The following DOCK4 variants were observed in gnomAD, a reference collection of about 807,000 sequenced individuals.
The protein encoded by DOCK4 is dedicator of cytokinesis 4, also known as dedicator of cytokinesis protein 4.
In DOCK4, 97 loss-of-function variants were observed where a neutral mutation model predicts 268.1. The ratio of observed to expected loss-of-function variants is 0.36; its 90% CI spans 0.31 to 0.43. DOCK4 has a LOEUF of 0.43. Among genes scored for constraint, DOCK4 ranks in the 20% least tolerant of loss-of-function variants. The probability of loss-of-function intolerance (pLI) is 1.00; values close to 1 mark genes in which losing one functional copy is unlikely to be tolerated. For missense variants in DOCK4, 2,145 were observed against 2,455.7 expected (o/e 0.87, Z 2.67); for synonymous variants, 954 against 887.2 (o/e 1.08, Z -1.34).
chr7:112,142,718 T>C (rs1343366235), intron 1 of DOCK4, among the ~76,000 whole-genome samples: 1 of 152,142 alleles, frequency 6.6e-6, no homozygotes, highest in Admixed American at 6.6e-5. Flanking sequence ...TCCTGAATTT[T>C]GTGTATATCA....
chr7:112,165,565 T>TGCGC (rs1563149245), intron 1 of DOCK4, among the ~76,000 whole-genome samples: 6 of 140,144 alleles, frequency 4.3e-5, no homozygotes, highest in South Asian at 2.4e-4. Flanking sequence ...TGTGTGCGTG[T>TGCGC]GTGTGTGTAT....
At chr7:111,852,357 C>T (rs555218538) in intron 23 of DOCK4, among the ~76,000 whole-genome samples, 1 of 152,278 alleles carries the variant, frequency 6.6e-6, no homozygotes, top group South Asian at 2.1e-4. Context: ...ACATAAGGCA[C>T]AGGCATTCTA....
chr7:111,795,548 C>T (rs1181929602), intron 30 of DOCK4, among the ~76,000 whole-genome samples: 4 of 152,264 alleles, frequency 2.6e-5, no homozygotes, highest in East Asian at 3.9e-4. Context: ...AGCCCTGATG[C>T]GTGTCCTCTT....
At chr7:111,762,725 G>A (rs1016961819) in intron 39 of DOCK4, among the ~76,000 whole-genome samples, 2 of 125,702 alleles carry the variant, frequency 1.6e-5, no homozygotes, top group East Asian at 2.2e-4. Flanking sequence ...GAACTTCTGC[G>A]TTAATATTCT....
intron 1 of DOCK4, among the ~76,000 whole-genome samples, chr7:112,162,537 C>CT (rs1420329899): frequency 1.3e-5 from 2 of 150,882 alleles, no homozygotes; most frequent in African/African-American, 2.5e-5. Flanking sequence ...CTCTCTCTCT[C>CT]CCCCCTCTCC....
At chr7:112,082,933 C>A (rs1216601080) in intron 1 of DOCK4, among the ~76,000 whole-genome samples, 3 of 151,930 alleles carry the variant, frequency 2.0e-5, no homozygotes, top group Non-Finnish European at 2.9e-5. Flanking sequence ...TAAATAAAAA[C>A]CACTTTATTA....
chr7:111,942,748 A>C (rs560607575), intron 10 of DOCK4, among the ~76,000 whole-genome samples: 1 of 152,130 alleles, frequency 6.6e-6, no homozygotes, highest in Admixed American at 6.5e-5. Flanking sequence ...AACATAGTCA[A>C]TCAGAATTAG....
At chr7:112,172,908 T>TG (rs1186550933) in intron 1 of DOCK4, among the ~76,000 whole-genome samples, 5 of 152,214 alleles carry the variant, frequency 3.3e-5, no homozygotes, top group Non-Finnish European at 5.9e-5. Context: ...TAGGTAAAAA[T>TG]GACAGCCTCA....
intron 3 of DOCK4, 126 bp downstream of exon 3, chr7:112,000,368 A>AGGG: frequency 1.7e-6 from 1 of 587,078 alleles, no homozygotes; most frequent in East Asian, 2.9e-5. Context: ...AAATTATAAA[A>AGGG]ATTTGCAATA....
At chr7:111,768,227 C>T (rs1797886138) in intron 37 of DOCK4, among the ~76,000 whole-genome samples, 1 of 152,106 alleles carries the variant, frequency 6.6e-6, no homozygotes, top group African/African-American at 2.4e-5. Flanking sequence ...AGTTTGCAAC[C>T]CCTGATCTAG....
At position 111,847,022 on chromosome 7, in the gene DOCK4, A is replaced by C. The variant is rs1804161353; in HGVS notation, c.2578T>G (p.Cys860Gly). 2.5e-6 allele frequency: 4 copies of C among 1,613,644 alleles called. No homozygotes were observed. The highest frequency in any genetic ancestry group is 3.4e-6 in the Non-Finnish European group (4 of 1,179,728). Residue 860 changes from cysteine to glycine, a missense_variant, in exon 24 of 53, where the codon TGT (cysteine) becomes GGT (glycine). By Grantham distance (159) the Cys-to-Gly change is radical (BLOSUM62 -3). This residue lies in a region of DOCK4 where 1,598 missense variants were observed against 1,986.7 expected (regional missense o/e 0.80). Transcript: ENST00000428084. ...MCARILSNVF[C>G]LIKKNSSEKS... Reference sequence around the variant, plus strand: ...ACTGAGCTATTTTTCTTGATAAGACAAAATACGTTGCTAAGGATACGTGCA... The same window carrying C: ...ACTGAGCTATTTTTCTTGATAAGACCAAATACGTTGCTAAGGATACGTGCA...
intron 30 of DOCK4, among the ~76,000 whole-genome samples, chr7:111,795,091 T>C (rs1799799376): frequency 6.6e-6 from 1 of 152,090 alleles, no homozygotes; most frequent in Non-Finnish European, 1.5e-5. Context: ...TAATCCATCA[T>C]TCCATGTGGT....
intron 1 of DOCK4, among the ~76,000 whole-genome samples, chr7:112,086,034 T>TA (rs1461365816): frequency 6.6e-6 from 1 of 152,072 alleles, no homozygotes; most frequent in Non-Finnish European, 1.5e-5. Flanking sequence ...ACAATTTGGT[T>TA]AAAAAAATCC....
intron 25 of DOCK4, among the ~76,000 whole-genome samples, chr7:111,836,211 T>G (rs936822935): frequency 1.3e-5 from 2 of 152,008 alleles, no homozygotes; most frequent in African/African-American, 2.4e-5. Context: ...CCTTTTTTTT[T>G]TTTTAATACC....
At chr7:112,196,649 G>A (rs919148973) in intron 1 of DOCK4, among the ~76,000 whole-genome samples, 2 of 152,154 alleles carry the variant, frequency 1.3e-5, no homozygotes, top group Non-Finnish European at 2.9e-5. Flanking sequence ...GACAGAGAGT[G>A]GGGAAGGGGC....
chr7:111,984,476 G>A, intron 6 of DOCK4, 86 bp from the exon 7 acceptor site: 1 of 1,135,934 alleles, frequency 8.8e-7, no homozygotes, highest in Non-Finnish European at 1.3e-6. Context: ...ATATCACTTG[G>A]AAATTAGGTA....
At chr7:111,764,490 G>C (rs926240894) in intron 39 of DOCK4, among the ~76,000 whole-genome samples, 1 of 152,162 alleles carries the variant, frequency 6.6e-6, no homozygotes, top group Non-Finnish European at 1.5e-5. Flanking sequence ...CAAGGAAGGT[G>C]TATATACTGA....
chr7:111,734,708 TG>T (rs1352338169), intron 51 of DOCK4, among the ~76,000 whole-genome samples: 1 of 152,170 alleles, frequency 6.6e-6, no homozygotes, highest in Non-Finnish European at 1.5e-5. Flanking sequence ...AGAAAGTAGC[TG>T]AGTTAGCGGA....
At chr7:112,108,283 C>A (rs569950384) in intron 1 of DOCK4, among the ~76,000 whole-genome samples, 9 of 152,086 alleles carry the variant, frequency 5.9e-5, no homozygotes, top group Non-Finnish European at 1.3e-4. Flanking sequence ...AATTTATATT[C>A]TTTACATAAT....
Sources: allele counts gnomAD v4.1 joint callset (sites outside exome capture counted in the v4.1 genomes callset), GRCh38; gene constraint gnomAD v4.1.1; regional missense constraint gnomAD v4.1.1; transcripts MANE v1.5; gene names NCBI Gene and HGNC (gene_info 2026-07-23, HGNC 2026-07-21).